The following SCAPER variants were observed in gnomAD, a reference collection of about 807,000 sequenced individuals.
SCAPER encodes the protein S phase cyclin A-associated protein in the endoplasmic reticulum.
Under a neutral mutation model 182.2 loss-of-function variants are expected in SCAPER, and 98 were observed. That is an observed-to-expected ratio of 0.54 (90% confidence interval 0.46 to 0.64). The LOEUF is 0.64. SCAPER is among the 30% of genes least tolerant of loss of function. The probability of loss-of-function intolerance (pLI) is 0.00; values close to 1 mark genes in which losing one functional copy is unlikely to be tolerated. For missense variants in SCAPER, 1,432 were observed against 1,690.0 expected (o/e 0.85, Z 2.68); for synonymous variants, 605 against 564.6 (o/e 1.07, Z -1.01).
chr15:76,733,080 C>G, intron 16 of SCAPER, 149 bp downstream of exon 16: 1 of 732,608 alleles, frequency 1.4e-6, no homozygotes. Context: ...CCCCCAGGCC[C>G]AGCTGTCTTT....
At chr15:76,601,880 G>C (rs1375727736) in intron 22 of SCAPER, among the ~76,000 whole-genome samples, 3 of 120,938 alleles carry the variant, frequency 2.5e-5, no homozygotes, top group African/African-American at 7.6e-5. Flanking sequence ...TGTGAGATTG[G>C]TTCCAGGAAC....
rs542365288 is a variant in SCAPER at position 76,722,287 on chromosome 15, A to C, written c.2165+6308T>G. Among the ~76,000 whole-genome samples the C allele has an allele frequency of 2.6e-4, 39 of 152,300 alleles. 1 individual carries two copies. Among genetic ancestry groups the C allele is most frequent in the African/African-American group, 9.1e-4 (38 of 41,568 alleles). On this transcript the variant is annotated intron_variant, in intron 17 of 31. Coordinates refer to ENST00000563290, the MANE Select transcript of SCAPER (RefSeq NM_020843.4). Reference sequence around the variant, plus strand: ...TCCCAGGGATGAAGCCCACTTGATCATGGTGGATAAGCTTTTCGATGTGTT... The same window carrying C: ...TCCCAGGGATGAAGCCCACTTGATCCTGGTGGATAAGCTTTTCGATGTGTT...
At chr15:76,713,436 A>G (rs995273901) in intron 17 of SCAPER, among the ~76,000 whole-genome samples, 1 of 151,954 alleles carries the variant, frequency 6.6e-6, no homozygotes, top group Non-Finnish European at 1.5e-5. Flanking sequence ...ACACCATGGA[A>G]TACTATGCAG....
intron 4 of SCAPER, among the ~76,000 whole-genome samples, chr15:76,844,086 GA>G (rs1161327535): frequency 6.6e-6 from 1 of 152,044 alleles, no homozygotes; most frequent in Non-Finnish European, 1.5e-5. Flanking sequence ...TAACTTAAGT[GA>G]TGAAGCCAGA....
chr15:76,382,002 T>C (rs2042974421), intron 27 of SCAPER, among the ~76,000 whole-genome samples: 1 of 152,186 alleles, frequency 6.6e-6, no homozygotes, highest in Non-Finnish European at 1.5e-5. Flanking sequence ...TTTCTGGATA[T>C]ATAAAGGCAC....
chr15:76,489,234 A>C (rs1313716873), intron 24 of SCAPER, among the ~76,000 whole-genome samples: 3 of 139,156 alleles, frequency 2.2e-5, no homozygotes, highest in African/African-American at 7.9e-5. Flanking sequence ...ATTAAAAGTA[A>C]CAGAAAAAAA....
At chr15:76,497,922 C>CA (rs2040711465) in intron 24 of SCAPER, among the ~76,000 whole-genome samples, 1 of 128,344 alleles carries the variant, frequency 7.8e-6, no homozygotes, top group Non-Finnish European at 1.6e-5. Flanking sequence ...ACCTCGGAAA[C>CA]AGAGGTTGCA....
Position 76,552,476 on chromosome 15 carries a change from C to T in SCAPER, c.2838+21682G>A, listed in dbSNP as rs147742097. ...AAGGGGGATGAAGCTGAGAACCCTG[C>T]GCAGGGTTGGTCAAACACCGGGACA... On this transcript the variant is annotated intron_variant, in intron 23 of 31. Transcript: ENST00000563290. Among the ~76,000 whole-genome samples the T allele has an allele frequency of 2.9e-4, 44 of 152,140 alleles. 1 individual carries two copies. The Middle Eastern group carries it at 0.01, about 35-fold the overall frequency.
At position 76,826,473 on chromosome 15, in the gene SCAPER, G is replaced by A. The variant is rs1317132534; in HGVS notation, c.393+15261C>T. On this transcript the variant is annotated intron_variant, in intron 5 of 31. Transcript: ENST00000563290. The stretch of plus-strand genomic sequence containing the variant: ...ATATACCTAATGCTAGATGACGAGT[G>A]AGTGGGTGCAGCGCACCAGCATGTC... 6.0e-5 allele frequency among the ~76,000 whole-genome samples: 9 copies of A among 151,032 alleles called. No individual in the cohort carries two copies. The East Asian group carries it at 9.8e-4, about 16-fold the overall frequency.
intron 21 of SCAPER, among the ~76,000 whole-genome samples, chr15:76,623,006 C>A (rs186257759): frequency 4.6e-5 from 7 of 152,202 alleles, no homozygotes; most frequent in African/African-American, 1.7e-4. Flanking sequence ...TGGCACCTCA[C>A]CCCGTGAGCA....
intron 10 of SCAPER, among the ~76,000 whole-genome samples, chr15:76,771,395 G>A (rs2063464194): frequency 6.6e-6 from 1 of 152,012 alleles, no homozygotes; most frequent in Non-Finnish European, 1.5e-5. Context: ...ACTAAGTCTA[G>A]CAGACACCAT....
chr15:76,536,888 T>C (rs2044214748), intron 23 of SCAPER, among the ~76,000 whole-genome samples: 1 of 151,718 alleles, frequency 6.6e-6, no homozygotes, highest in Non-Finnish European at 1.5e-5. Flanking sequence ...ACAAAATCAA[T>C]GTACAAAAAT....
chr15:76,373,956 G>C lies in SCAPER; in HGVS notation c.3855+2206C>G, dbSNP rs906153153. Among the ~76,000 whole-genome samples, 6 of 150,302 alleles carry C rather than the reference G, an allele frequency of 4.0e-5. No homozygotes were observed. In the Admixed American group the frequency reaches 4.0e-4, roughly 10 times the overall value. ...AAGCAATTTCAGCTCTCGTTGTACA[G>C]CTTCTCACCTTGTACTTGGCTCTGC... On this transcript the variant is annotated intron_variant, in intron 29 of 31. Transcript: ENST00000563290.
At chr15:76,419,487 A>G (rs563713851) in intron 26 of SCAPER, among the ~76,000 whole-genome samples, 1 of 152,134 alleles carries the variant, frequency 6.6e-6, no homozygotes, top group Non-Finnish European at 1.5e-5. Context: ...TTGCGAGGCC[A>G]AGGTGGGCAG....
At chr15:76,469,768 A>G (rs1216662134) in intron 25 of SCAPER, among the ~76,000 whole-genome samples, 2 of 152,160 alleles carry the variant, frequency 1.3e-5, no homozygotes, top group Non-Finnish European at 2.9e-5. Flanking sequence ...ATGGAATAGT[A>G]ATACTGACTT....
At chr15:76,490,910 T>C (rs2052233874) in intron 24 of SCAPER, among the ~76,000 whole-genome samples, 1 of 152,192 alleles carries the variant, frequency 6.6e-6, no homozygotes, top group Admixed American at 6.5e-5. Context: ...CTGTGTTGTG[T>C]ATTCTTGACA....
intron 27 of SCAPER, among the ~76,000 whole-genome samples, chr15:76,403,027 G>C (rs1198416077): frequency 6.6e-6 from 1 of 152,142 alleles, no homozygotes; most frequent in Non-Finnish European, 1.5e-5. Flanking sequence ...ATCTGGATTC[G>C]AGAAAATACA....
intron 20 of SCAPER, among the ~76,000 whole-genome samples, chr15:76,668,221 C>A (rs2056769311): frequency 6.6e-6 from 1 of 152,176 alleles, no homozygotes; most frequent in South Asian, 2.1e-4. Context: ...ACCACCACCA[C>A]CTGCTCTAAG....
chr15:76,873,500 T>C (rs1176104680), intron 2 of SCAPER, among the ~76,000 whole-genome samples: 1 of 152,154 alleles, frequency 6.6e-6, no homozygotes, highest in Non-Finnish European at 1.5e-5. Context: ...AAAAAGTTTA[T>C]CAACCAGGAA....
Sources: allele counts gnomAD v4.1 joint callset (sites outside exome capture counted in the v4.1 genomes callset), GRCh38; gene constraint gnomAD v4.1.1; transcripts MANE v1.5; gene names NCBI Gene and HGNC (gene_info 2026-07-23, HGNC 2026-07-21).